Variants in SHROOM4 observed in about 807,000 individuals in gnomAD.
SHROOM4 encodes protein Shroom4.
In SHROOM4, 17 loss-of-function variants were observed where a neutral mutation model predicts 80.3. That is an observed-to-expected ratio of 0.21 (90% CI 0.14 to 0.32). SHROOM4 has a LOEUF of 0.32. Ranked by LOEUF, SHROOM4 falls within the 10% of genes least tolerant of loss-of-function variation. SHROOM4 has a pLI of 1.00. For missense variants in SHROOM4, 993 were observed against 1,140.3 expected (o/e 0.87, Z 1.86); for synonymous variants, 400 against 437.5 (o/e 0.91, Z 1.07).
chrX:50,667,344 T>C (rs1932722678), intron 2 of SHROOM4, among the ~76,000 whole-genome samples: 1 of 112,110 alleles, frequency 8.9e-6, no homozygotes, highest in South Asian at 3.8e-4. Context: ...TTCATTTAGC[T>C]GTTTTACTAA....
intron 2 of SHROOM4, among the ~76,000 whole-genome samples, chrX:50,681,377 T>C (rs1932939139): frequency 8.9e-6 from 1 of 111,851 alleles, no homozygotes; most frequent in African/African-American, 3.2e-5. Flanking sequence ...TCTCCTTTCA[T>C]GCTTCCTTTG....
intron 1 of SHROOM4, among the ~76,000 whole-genome samples, chrX:50,706,697 G>A (rs782252594): frequency 1.8e-5 from 2 of 111,738 alleles, no homozygotes; most frequent in Non-Finnish European, 3.8e-5. Context: ...AATACTAAGA[G>A]TTCTTGCTAA....
At chrX:50,638,893 C>G (rs996610048) in intron 2 of SHROOM4, among the ~76,000 whole-genome samples, 1 of 112,646 alleles carries the variant, frequency 8.9e-6, no homozygotes, top group Middle Eastern at 4.6e-3. Context: ...CTGGTTCAAA[C>G]AAAGCATGGG....
chrX:50,754,964 T>C (rs782596999), intron 1 of SHROOM4, among the ~76,000 whole-genome samples: 1 of 112,234 alleles, frequency 8.9e-6, no homozygotes, highest in Non-Finnish European at 1.9e-5. Flanking sequence ...ATTTTAACTC[T>C]CCATTCCTTC....
chrX:50,639,275 G>A (rs1931493563), intron 2 of SHROOM4, among the ~76,000 whole-genome samples: 1 of 110,883 alleles, frequency 9.0e-6, no homozygotes, highest in Non-Finnish European at 1.9e-5. Context: ...ATTGATGGGA[G>A]GGAGAATGAC....
intron 2 of SHROOM4, among the ~76,000 whole-genome samples, chrX:50,640,117 A>T (rs1931531428): frequency 8.9e-6 from 1 of 111,897 alleles, no homozygotes; most frequent in African/African-American, 3.3e-5. Flanking sequence ...CCAGGTAGTT[A>T]TCCGGTCAAC....
chrX:50,607,863 T>C lies in SHROOM4; in HGVS notation c.3279A>G (p.Gly1093=). 1 of 1,208,586 alleles carries C rather than the reference T, an allele frequency of 8.3e-7. No individual in the cohort carries two copies. The highest frequency in any genetic ancestry group is 1.1e-6 in the Non-Finnish European group (1 of 893,828). Residue 1093 remains glycine, a synonymous_variant, in exon 6 of 9, where the codon GGA becomes GGG. Transcript: ENST00000376020. ...GAGGAGGAAAGGCCTTCTTCCTGGC[T>C]CCGAGAAGATCCGACTGGGTCTCAT... is the stretch of plus-strand genomic sequence containing the variant. ...KGDETQSDLL[G]ARKKAFPPPR...
At chrX:50,676,503 G>C (rs1336414491) in intron 2 of SHROOM4, among the ~76,000 whole-genome samples, 1 of 111,086 alleles carries the variant, frequency 9.0e-6, no homozygotes, top group Non-Finnish European at 1.9e-5. Context: ...TCCATGGCAA[G>C]TGGCTATTTC....
intron 1 of SHROOM4, among the ~76,000 whole-genome samples, chrX:50,765,534 T>C (rs377279168): frequency 4.9e-4 from 55 of 111,842 alleles, no homozygotes; most frequent in African/African-American, 1.7e-3. Flanking sequence ...TTCTAACTAC[T>C]TGAAAGGGAG....
intron 1 of SHROOM4, among the ~76,000 whole-genome samples, chrX:50,721,466 A>C (rs782424512): frequency 8.9e-6 from 1 of 112,056 alleles, no homozygotes; most frequent in South Asian, 3.8e-4. Context: ...TGGCATTTGT[A>C]AACTGTCATG....
Position 50,588,344 on chromosome X carries a change from T to C in SHROOM4, c.*8351A>G, listed in dbSNP as rs186371831. On this transcript the variant is annotated 3_prime_UTR_variant, in exon 9 of 9. Transcript: ENST00000376020. ...CAGCTCTACCAGAGACCTCATTTGA[T>C]TCCTACTTTAGCTTTATAATAAAAG... Among the ~76,000 whole-genome samples the C allele has an allele frequency of 3.0e-4, 34 of 112,173 alleles. No individual in the cohort carries two copies. In the East Asian group the frequency reaches 6.2e-3, roughly 20 times the overall value.
At chrX:50,702,341 G>C (rs1933538683) in intron 1 of SHROOM4, among the ~76,000 whole-genome samples, 1 of 111,575 alleles carries the variant, frequency 9.0e-6, no homozygotes, top group African/African-American at 3.3e-5. Flanking sequence ...CATACTTAGA[G>C]ACTCCGAAGA....
At chrX:50,626,483 C>A (rs1479326957) in intron 5 of SHROOM4, among the ~76,000 whole-genome samples, 1 of 111,435 alleles carries the variant, frequency 9.0e-6, no homozygotes. Context: ...CTGACTGTGA[C>A]CCTTTATGTG....
Position 50,596,151 on chromosome X carries a change from C to T in SHROOM4, c.*544G>A, listed in dbSNP as rs1173051489. On this transcript the variant is annotated 3_prime_UTR_variant, in exon 9 of 9. Coordinates refer to ENST00000376020, the MANE Select transcript of SHROOM4 (RefSeq NM_020717.5). Reference sequence around the variant, plus strand: ...GGCACCTGGGGGTACTCAACCTTTGCTTGCATTTTTTTCAGTGTAATTCCT... The same window carrying T: ...GGCACCTGGGGGTACTCAACCTTTGTTTGCATTTTTTTCAGTGTAATTCCT... The T allele has an allele frequency of 1.2e-5, 4 of 328,778 alleles. No homozygotes were observed. The highest frequency in any genetic ancestry group is 3.1e-5 in the Admixed American group (1 of 32,171). The allele number at this position is 328,778 out of a possible 1,213,427, so 27.1% of individuals were successfully genotyped here. A position where few individuals can be genotyped will look rare whatever the true frequency, so the allele number is the denominator to read the frequency against.
chrX:50,797,194 C>T (rs1936034179), intron 1 of SHROOM4, among the ~76,000 whole-genome samples: 2 of 110,744 alleles, frequency 1.8e-5, no homozygotes, highest in Admixed American at 1.9e-4. Context: ...AGAGAAGATG[C>T]AGAAACAGGA....
At chrX:50,607,049 G>A (rs1457357791) in intron 6 of SHROOM4, among the ~76,000 whole-genome samples, 1 of 109,808 alleles carries the variant, frequency 9.1e-6, no homozygotes, top group Non-Finnish European at 1.9e-5. Flanking sequence ...ATGCCTTTGG[G>A]ATCAGGGGCC....
At chrX:50,600,635 G>A (rs1298705663) in intron 7 of SHROOM4, among the ~76,000 whole-genome samples, 1 of 111,804 alleles carries the variant, frequency 8.9e-6, no homozygotes, top group Middle Eastern at 4.2e-3. Flanking sequence ...TAGTTTTCTG[G>A]AATGTATTCC....
At chrX:50,730,593 T>C (rs1004405398) in intron 1 of SHROOM4, among the ~76,000 whole-genome samples, 2 of 110,220 alleles carry the variant, frequency 1.8e-5, no homozygotes, top group Non-Finnish European at 3.8e-5. Context: ...CTGGCCAACA[T>C]GGCAAAACTC....
At chrX:50,675,372 C>A (rs1421450482) in intron 2 of SHROOM4, among the ~76,000 whole-genome samples, 1 of 111,291 alleles carries the variant, frequency 9.0e-6, no homozygotes, top group Non-Finnish European at 1.9e-5. Flanking sequence ...TGAATGAATA[C>A]ATATCTGAGG....
Sources: gnomAD v4.1 joint callset for allele counts (sites outside exome capture counted in the v4.1 genomes callset) on GRCh38, gnomAD v4.1.1 for gene constraint, MANE v1.5 for transcripts, NCBI Gene and HGNC (gene_info 2026-07-23, HGNC 2026-07-21) for gene names.